MAGI2: variants seen among roughly 807,000 people sequenced by gnomAD.
The protein encoded by MAGI2 is membrane-associated guanylate kinase, WW and PDZ domain-containing protein 2.
A neutral mutation model predicts 133.3 loss-of-function variants in MAGI2; 35 were observed. The observed-to-expected ratio is 0.26, with a 90% CI of 0.20 to 0.35. The LOEUF (loss-of-function observed/expected upper bound fraction) is 0.35. Among genes scored for constraint, MAGI2 ranks in the 10% least tolerant of loss-of-function variants. The probability of loss-of-function intolerance (pLI) is 1.00; values close to 1 mark genes in which losing one functional copy is unlikely to be tolerated. For synonymous variants in MAGI2, 729 were observed against 710.6 expected (o/e 1.03, Z -0.41); for missense variants, 1,636 against 1,863.4 (o/e 0.88, Z 2.25).
At chr7:79,111,332 G>C (rs192034706) in intron 1 of MAGI2, among the ~76,000 whole-genome samples, 1 of 152,224 alleles carries the variant, frequency 6.6e-6, no homozygotes, top group Admixed American at 6.5e-5. Flanking sequence ...CTCTTGACAA[G>C]CCTGATGATT....
At chr7:78,089,663 A>G (rs1816990654) in intron 20 of MAGI2, among the ~76,000 whole-genome samples, 1 of 152,128 alleles carries the variant, frequency 6.6e-6, no homozygotes, top group Admixed American at 6.5e-5. Flanking sequence ...AAAATTGCCT[A>G]AGATGTCAGA....
In MAGI2 at chr7:79,211,367, C is replaced by T. The variant is rs1434257224; in HGVS notation, c.302-204161G>A. ...CCATAGCTCACTGCAGCCCTGATCT[C>T]CCGGTTCAAGTGATCTCCTCTCACG... On this transcript the variant is annotated intron_variant, in intron 1 of 21. Coordinates refer to ENST00000354212, the MANE Select transcript of MAGI2 (RefSeq NM_012301.4). Among the ~76,000 whole-genome samples the T allele has an allele frequency of 2.6e-5, 4 of 152,002 alleles. No individual in the cohort carries two copies. In the East Asian group the frequency reaches 5.8e-4, roughly 22 times the overall value.
chr7:79,367,864 T>C (rs866012553), intron 1 of MAGI2, among the ~76,000 whole-genome samples: 1,342 of 108,282 alleles, frequency 0.012, 154 homozygotes, highest in African/African-American at 0.046. Context: ...GTGACATATA[T>C]ATATATATAT....
At chr7:78,388,527 T>C (rs984257791) in intron 6 of MAGI2, among the ~76,000 whole-genome samples, 10 of 152,210 alleles carry the variant, frequency 6.6e-5, no homozygotes, top group African/African-American at 2.4e-4. Flanking sequence ...TAGAAAATTA[T>C]TAAGTAGGAG....
chr7:78,653,880 C>G (rs1046449009), intron 2 of MAGI2, among the ~76,000 whole-genome samples: 2 of 151,656 alleles, frequency 1.3e-5, no homozygotes, highest in Admixed American at 6.6e-5. Flanking sequence ...ACTCTGAGGT[C>G]AAAAGATTCT....
chr7:78,020,684 A>G (rs1808305591), intron 21 of MAGI2, among the ~76,000 whole-genome samples: 1 of 152,224 alleles, frequency 6.6e-6, no homozygotes. Flanking sequence ...TTTAGAGCCA[A>G]GCTTTGAGAA....
chr7:78,021,521 T>C lies in MAGI2; in HGVS notation c.3707-1545A>G, dbSNP rs147594190. Among the ~76,000 whole-genome samples the C allele has an allele frequency of 2.6e-3, 401 of 152,344 alleles. 5 individuals carry two copies. Among genetic ancestry groups the C allele is most frequent in the African/African-American group, 7.9e-3 (330 of 41,572 alleles). On this transcript the variant is annotated intron_variant, in intron 21 of 21. Transcript: ENST00000354212. ...ACTTTGTTTGAAACTTGAGGGTTCT[T>C]ATATAGTACCTTTGATACTGATTTA...
At position 78,147,128 on chromosome 7, in the gene MAGI2, C is replaced by T. The variant is rs575642715; in HGVS notation, c.2846-11922G>A. Among the ~76,000 whole-genome samples the T allele has an allele frequency of 6.6e-5, 10 of 152,288 alleles. No homozygotes were observed. The South Asian group carries it at 1.9e-3, about 28-fold the overall frequency. ...GTTACACATACAAGCCAAAGTTCCA[C>T]TAACAGTGTATACAGTATGTTTTAA... On this transcript the variant is annotated intron_variant, in intron 16 of 21. Coordinates refer to ENST00000354212, the MANE Select transcript of MAGI2 (RefSeq NM_012301.4).
At chr7:79,389,885 G>T (rs1046633805) in intron 1 of MAGI2, among the ~76,000 whole-genome samples, 1 of 152,094 alleles carries the variant, frequency 6.6e-6, no homozygotes, top group Non-Finnish European at 1.5e-5. Flanking sequence ...GTTGACAAGG[G>T]ACCTAGGGGA....
At chr7:79,304,509 C>T (rs941216565) in intron 1 of MAGI2, among the ~76,000 whole-genome samples, 29 of 151,972 alleles carry the variant, frequency 1.9e-4, no homozygotes, top group African/African-American at 5.8e-4. Context: ...GGAAAAGCTC[C>T]GATATACATA....
At chr7:78,427,816 T>C (rs1163313432) in intron 6 of MAGI2, among the ~76,000 whole-genome samples, 3 of 152,310 alleles carry the variant, frequency 2.0e-5, no homozygotes, top group African/African-American at 4.8e-5. Context: ...ATATCTACAA[T>C]GTTTTTACAC....
chr7:79,038,124 G>A (rs946567323), intron 1 of MAGI2, among the ~76,000 whole-genome samples: 5 of 152,150 alleles, frequency 3.3e-5, no homozygotes, highest in Non-Finnish European at 7.4e-5. Context: ...AGGTTTTCAG[G>A]TGACAGTGAT....
chr7:78,357,969 A>G (rs1440004915), intron 7 of MAGI2, among the ~76,000 whole-genome samples: 4 of 151,124 alleles, frequency 2.6e-5, no homozygotes, highest in Non-Finnish European at 4.4e-5. Flanking sequence ...AACACTAGTA[A>G]TAAATAATGT....
chr7:78,780,738 T>A (rs946259438), intron 2 of MAGI2, among the ~76,000 whole-genome samples: 3 of 152,128 alleles, frequency 2.0e-5, no homozygotes, highest in Non-Finnish European at 4.4e-5. Flanking sequence ...AGGTGTTAAT[T>A]GTAGTATTTG....
At chr7:78,345,820 T>C in intron 8 of MAGI2, 102 bp downstream of exon 8, 1 of 1,510,148 alleles carries the variant, frequency 6.6e-7, no homozygotes, top group Admixed American at 2.1e-5. Context: ...AGAAAGCAAA[T>C]CAATTTTTCA....
At chr7:79,129,656 G>A (rs756254448) in intron 1 of MAGI2, among the ~76,000 whole-genome samples, 4 of 152,266 alleles carry the variant, frequency 2.6e-5, no homozygotes, top group South Asian at 2.1e-4. Context: ...CTTTAAATAC[G>A]ATGCTTGCAG....
At chr7:78,527,609 A>T (rs946105352) in intron 3 of MAGI2, among the ~76,000 whole-genome samples, 1 of 152,226 alleles carries the variant, frequency 6.6e-6, no homozygotes, top group African/African-American at 2.4e-5. Context: ...CAGTATTATG[A>T]CAAGAAATAG....
intron 1 of MAGI2, among the ~76,000 whole-genome samples, chr7:79,250,146 A>G (rs781220480): frequency 9.2e-5 from 14 of 152,250 alleles, no homozygotes; most frequent in Admixed American, 7.8e-4. Context: ...ATATGTCAAC[A>G]TAATGATAGC....
chr7:78,558,234 A>C (rs1322521806), intron 3 of MAGI2, among the ~76,000 whole-genome samples: 2 of 152,198 alleles, frequency 1.3e-5, no homozygotes, highest in Non-Finnish European at 1.5e-5. Flanking sequence ...GAAACAGAGA[A>C]CAAAGAAAGA....
Sources: gnomAD v4.1 joint callset for allele counts (sites outside exome capture counted in the v4.1 genomes callset) on GRCh38, gnomAD v4.1.1 for gene constraint, MANE v1.5 for transcripts, NCBI Gene and HGNC (gene_info 2026-07-23, HGNC 2026-07-21) for gene names.